The following PHKA1 variants were observed in gnomAD, a reference collection of about 807,000 sequenced individuals.
The protein encoded by PHKA1 is phosphorylase b kinase regulatory subunit alpha, skeletal muscle isoform.
PHKA1 carries 60 observed loss-of-function variants against 110.2 expected under a neutral mutation model. That is an observed-to-expected ratio of 0.54 (90% CI 0.44 to 0.68). PHKA1 has a LOEUF of 0.68. PHKA1 is among the 30% of genes least tolerant of loss of function. The pLI, the probability that PHKA1 is intolerant of heterozygous loss-of-function variation, is 0.00. For synonymous variants in PHKA1, 316 were observed against 333.6 expected (o/e 0.95, Z 0.58); for missense variants, 801 against 942.5 (o/e 0.85, Z 1.97).
At chrX:72,626,630 T>A (rs1270757447) in intron 17 of PHKA1, among the ~76,000 whole-genome samples, 1 of 111,685 alleles carries the variant, frequency 9.0e-6, no homozygotes, top group Non-Finnish European at 1.9e-5. Context: ...ACCTTATATA[T>A]ATACTGTGTT....
intron 2 of PHKA1, 109 bp from the exon 3 acceptor site, chrX:72,705,354 C>T (rs1603276218): frequency 1.8e-6 from 1 of 542,853 alleles, no homozygotes. Flanking sequence ...TAACCCTATC[C>T]TGTGTTCCTA....
At chrX:72,598,927 G>A (rs782634811) in intron 28 of PHKA1, among the ~76,000 whole-genome samples, 3 of 110,889 alleles carry the variant, frequency 2.7e-5, no homozygotes, top group East Asian at 2.8e-4. Context: ...AGTGACTATC[G>A]CACTGATCTA....
chrX:72,705,335 G>A (rs1195105964), intron 2 of PHKA1, 90 bp from the exon 3 acceptor site: 5 of 641,115 alleles, frequency 7.8e-6, no homozygotes, highest in Non-Finnish European at 1.0e-5. Context: ...ATGACCTTTT[G>A]AGAACAAGTA....
intron 9 of PHKA1, among the ~76,000 whole-genome samples, chrX:72,657,235 C>T (rs1443660028): frequency 2.7e-5 from 3 of 112,142 alleles, no homozygotes; most frequent in Non-Finnish European, 5.6e-5. Context: ...AGATTTTTCC[C>T]TTTGTAATTG....
intron 6 of PHKA1, among the ~76,000 whole-genome samples, chrX:72,674,767 AAATAAAGAC>A (rs2053755997): frequency 8.9e-6 from 1 of 112,165 alleles, no homozygotes; most frequent in South Asian, 3.7e-4. Context: ...GAATGTTAAA[AAATAAAGAC>A]AATTCTGTCA....
At chrX:72,712,678 C>T in intron 2 of PHKA1, 101 bp downstream of exon 2, 1 of 755,851 alleles carries the variant, frequency 1.3e-6, no homozygotes, top group Non-Finnish European at 2.0e-6. Flanking sequence ...AAATACAGTT[C>T]TCTTAGCTTT....
intron 5 of PHKA1, among the ~76,000 whole-genome samples, chrX:72,682,267 G>A (rs1359916486): frequency 3.3e-5 from 3 of 90,008 alleles, no homozygotes; most frequent in South Asian, 6.6e-4. Flanking sequence ...CCGGCCAGCC[G>A]CCCCGTCCGG....
In PHKA1 at chrX:72,658,069, T is replaced by G. The variant is rs782766097; in HGVS notation, c.865-428A>C. Among the ~76,000 whole-genome samples, 20 of 111,421 alleles carry G rather than the reference T, an allele frequency of 1.8e-4. No homozygotes were observed. In the South Asian group the frequency reaches 5.3e-3, roughly 30 times the overall value. On this transcript the variant is annotated intron_variant, in intron 8 of 31. Coordinates refer to ENST00000373542, the MANE Select transcript of PHKA1 (RefSeq NM_002637.4). ...AGATAATTTTAGATTTACAGAAGAG[T>G]TGCAAAAACAGTACAGAGAATCCCA...
At chrX:72,689,962 T>C (rs1174037156) in intron 4 of PHKA1, among the ~76,000 whole-genome samples, 1 of 112,195 alleles carries the variant, frequency 8.9e-6, no homozygotes, top group Non-Finnish European at 1.9e-5. Flanking sequence ...CTTTCAAAAT[T>C]AATGATGTTC....
chrX:72,667,456 T>G lies in PHKA1; in HGVS notation c.636A>C (p.Leu212Phe), dbSNP rs1556306943. 4 of 1,206,427 alleles carry G rather than the reference T, an allele frequency of 3.3e-6. No individual in the cohort carries two copies. The highest frequency in any genetic ancestry group is 1.7e-5 in the African/African-American group (1 of 57,287). The change falls in exon 7 of 32, where the codon TTA becomes TTC. Residue 212 changes from leucine (L) to phenylalanine (F), a missense_variant. Physicochemically the swap from Leu to Phe is conservative, Grantham distance 22. Around this residue, in one of 2 missense-constraint regions of PHKA1, gnomAD observed 299 missense variants for 423.3 expected, o/e 0.71. Transcript: ENST00000373542. ...VGMAKAALEA[L>F]DELDLFGVKG... ...TCACACCAAACAGATCCAGTTCATC[T>G]AATGCTTCCAGGGCTGCCTGTGAGG... is the stretch of plus-strand genomic sequence containing the variant.
chrX:72,714,036 G>C lies in PHKA1; in HGVS notation c.-156C>G. ...CCTCCCACCGCTCAGGCCTGGCGCC[G>C]CGGATTCCGCGTACCTCTCCGGACT... is the stretch of plus-strand genomic sequence containing the variant. On this transcript the variant is annotated 5_prime_UTR_variant, in exon 1 of 32. Coordinates refer to ENST00000373542, the MANE Select transcript of PHKA1 (RefSeq NM_002637.4). The C allele has an allele frequency of 3.9e-6, 2 of 509,277 alleles. No individual in the cohort carries two copies. Among genetic ancestry groups the C allele is most frequent in the Non-Finnish European group, 6.8e-6 (2 of 293,698 alleles). 42.0% of individuals were successfully genotyped at this position (509,277 alleles called of 1,213,427 possible). A position where few individuals can be genotyped will look rare whatever the true frequency, so the allele number is the denominator to read the frequency against.
intron 16 of PHKA1, among the ~76,000 whole-genome samples, chrX:72,628,427 C>T (rs2053116360): frequency 9.3e-6 from 1 of 108,063 alleles, no homozygotes. Flanking sequence ...ATTTTTCTTT[C>T]AACCGCATCC....
chrX:72,613,249 T>C (rs2052839475), intron 21 of PHKA1, among the ~76,000 whole-genome samples: 1 of 111,657 alleles, frequency 9.0e-6, no homozygotes, highest in South Asian at 3.8e-4. Context: ...CATCAAGATA[T>C]ATAGTTTTAG....
In PHKA1 at chrX:72,627,037, G is replaced by T. The variant is rs1474761630; in HGVS notation, c.1727C>A (p.Thr576Lys). The change falls in exon 17 of 32, where the codon ACA becomes AAA. Residue 576 changes from threonine to lysine, a missense_variant. Physicochemically the swap from Thr to Lys is moderately conservative, Grantham distance 78 (BLOSUM62 -1). This residue lies in a region of PHKA1 where 502 missense variants were observed against 519.2 expected (regional missense o/e 0.97). Transcript: ENST00000373542. ...ISHSMLDEDG[T>K]SLNSSILAAL... ...TGCCAGGATACTTGAATTCAAGCTTGTTCCATCTTCATCTTGAAATGAACA... is the reference window on the plus strand; with the variant it reads ...TGCCAGGATACTTGAATTCAAGCTTTTTCCATCTTCATCTTGAAATGAACA... The T allele has an allele frequency of 1.3e-5, 16 of 1,201,394 alleles. No individual in the cohort carries two copies. In the Admixed American group the frequency reaches 2.2e-4, roughly 16 times the overall value.
chrX:72,699,537 G>T (rs1303955077), intron 3 of PHKA1, among the ~76,000 whole-genome samples: 1 of 105,898 alleles, frequency 9.4e-6, no homozygotes, highest in Admixed American at 1.0e-4. Flanking sequence ...AAAAAAGAGG[G>T]ATGTTCAGGA....
intron 11 of PHKA1, 38 bp from the exon 12 acceptor site, chrX:72,652,689 A>G (rs782258929): frequency 3.8e-6 from 3 of 788,500 alleles, no homozygotes; most frequent in Admixed American, 4.7e-5. Flanking sequence ...GAGGAATAAT[A>G]GAAGGTTTAA....
chrX:72,643,800 TC>T (rs1350489541), intron 14 of PHKA1, among the ~76,000 whole-genome samples: 1 of 111,871 alleles, frequency 8.9e-6, no homozygotes, highest in Non-Finnish European at 1.9e-5. Context: ...GACTTGTATA[TC>T]TTTGGGGAGT....
intron 10 of PHKA1, among the ~76,000 whole-genome samples, chrX:72,655,760 C>T (rs1447060583): frequency 2.8e-4 from 31 of 111,089 alleles, no homozygotes; most frequent in Non-Finnish European, 4.9e-4. Flanking sequence ...GTAGCTGGGA[C>T]TACAGGCGCC....
intron 8 of PHKA1, among the ~76,000 whole-genome samples, chrX:72,659,513 T>G (rs1025651343): frequency 1.3e-4 from 13 of 102,770 alleles, no homozygotes; most frequent in Admixed American, 2.0e-4. Context: ...CATCCCTATA[T>G]TAAACACACA....
Sources: gnomAD v4.1 joint callset for allele counts (sites outside exome capture counted in the v4.1 genomes callset) on GRCh38, gnomAD v4.1.1 for gene constraint, gnomAD v4.1.1 regional missense constraint, MANE v1.5 for transcripts, NCBI Gene and HGNC (gene_info 2026-07-23, HGNC 2026-07-21) for gene names.